Variants in PRKD1 observed in about 807,000 individuals in gnomAD.
PRKD1 encodes the protein protein kinase D1.
PRKD1 carries 63 observed loss-of-function variants against 95.9 expected under a neutral mutation model. That is an observed-to-expected ratio of 0.66 (90% CI 0.54 to 0.81). The LOEUF is 0.81. Ranked by LOEUF, PRKD1 falls within the 30% of genes least tolerant of loss-of-function variation. The pLI is 0.00. For missense variants in PRKD1, 1,048 were observed against 1,165.3 expected (o/e 0.90, Z 1.47); for synonymous variants, 425 against 423.1 (o/e 1.00, Z -0.05).
intron 1 of PRKD1, among the ~76,000 whole-genome samples, chr14:29,781,777 T>C (rs755480308): frequency 6.6e-6 from 1 of 152,198 alleles, no homozygotes; most frequent in Non-Finnish European, 1.5e-5. Flanking sequence ...TAACATACCA[T>C]AGAACACACC....
intron 1 of PRKD1, among the ~76,000 whole-genome samples, chr14:29,791,499 T>C (rs1427564396): frequency 1.3e-5 from 2 of 152,158 alleles, no homozygotes; most frequent in Non-Finnish European, 2.9e-5. Context: ...TACCCGTCAA[T>C]TCCAGACAAC....
chr14:29,670,535 C>CT, intron 2 of PRKD1, among the ~76,000 whole-genome samples: 1 of 152,264 alleles, frequency 6.6e-6, no homozygotes, highest in Middle Eastern at 3.4e-3. Context: ...GTTCTTGACA[C>CT]TTTATCATCT....
At chr14:29,712,833 G>T in intron 2 of PRKD1, among the ~76,000 whole-genome samples, 1 of 152,128 alleles carries the variant, frequency 6.6e-6, no homozygotes, top group East Asian at 1.9e-4. Context: ...AGAGTGCTGG[G>T]CAGATGGTGG....
At chr14:29,713,930 C>G (rs994369770) in intron 2 of PRKD1, among the ~76,000 whole-genome samples, 1 of 152,098 alleles carries the variant, frequency 6.6e-6, no homozygotes. Context: ...AAACTCAGGC[C>G]GGTTACTTCT....
intron 1 of PRKD1, among the ~76,000 whole-genome samples, chr14:29,908,720 A>G (rs1228455793): frequency 6.6e-6 from 1 of 152,234 alleles, no homozygotes; most frequent in African/African-American, 2.4e-5. Flanking sequence ...CTATATACCA[A>G]TTCTAGTTAG....
chr14:29,741,272 AAAAT>A (rs1177874898), intron 1 of PRKD1, among the ~76,000 whole-genome samples: 4 of 152,200 alleles, frequency 2.6e-5, no homozygotes, highest in Admixed American at 6.5e-5. Context: ...TAAAAATTAA[AAAAT>A]AAATAAAGTT....
intron 4 of PRKD1, among the ~76,000 whole-genome samples, chr14:29,653,354 A>G (rs545057411): frequency 6.6e-6 from 1 of 152,178 alleles, no homozygotes; most frequent in African/African-American, 2.4e-5. Context: ...TCCAAGAAAA[A>G]ATAAGTTCTC....
rs566381936 is a variant in PRKD1 at position 29,618,165 on chromosome 14, T to C, written c.1905+5987A>G. On this transcript the variant is annotated intron_variant, in intron 13 of 17. Transcript: ENST00000331968. Reference sequence around the variant, plus strand: ...ATCCTTAATAATCACAAAACATCCTTTTATTTTTATCTTGACATGAATAAC... The same window carrying C: ...ATCCTTAATAATCACAAAACATCCTCTTATTTTTATCTTGACATGAATAAC... Among the ~76,000 whole-genome samples the C allele has an allele frequency of 2.0e-4, 30 of 152,232 alleles. 1 individual carries two copies. Among genetic ancestry groups the C allele is most frequent in the African/African-American group, 6.3e-4 (26 of 41,578 alleles).
chr14:29,815,744 G>A (rs550273596), intron 1 of PRKD1, among the ~76,000 whole-genome samples: 17 of 152,206 alleles, frequency 1.1e-4, no homozygotes, highest in South Asian at 2.1e-4. Flanking sequence ...CTCAAATAGC[G>A]CAATTCCAGC....
chr14:29,681,887 T>C (rs1271244282), intron 2 of PRKD1, among the ~76,000 whole-genome samples: 3 of 152,160 alleles, frequency 2.0e-5, no homozygotes, highest in Non-Finnish European at 4.4e-5. Context: ...AAAATGCTTT[T>C]AAAAGGATTA....
At chr14:29,752,690 T>C (rs904301180) in intron 1 of PRKD1, among the ~76,000 whole-genome samples, 5 of 152,002 alleles carry the variant, frequency 3.3e-5, no homozygotes, top group Admixed American at 2.0e-4. Flanking sequence ...ACCAACTTAA[T>C]ATGATGAGGT....
At position 29,690,066 on chromosome 14, in the gene PRKD1, C is replaced by T. The variant is rs150403661; in HGVS notation, c.404-23858G>A. ...ATCTATACAGCAAATCACCATGGCA[C>T]GTGTTTACCTATGTAACAAACCTGC... On this transcript the variant is annotated intron_variant, in intron 2 of 17. Coordinates refer to ENST00000331968, the MANE Select transcript of PRKD1 (RefSeq NM_002742.3). 2.6e-3 allele frequency among the ~76,000 whole-genome samples: 402 copies of T among 152,252 alleles called. 5 individuals are homozygous for T. Among genetic ancestry groups the T allele is most frequent in the African/African-American group, 9.0e-3 (372 of 41,548 alleles).
chr14:29,917,072 T>C (rs1195776380), intron 1 of PRKD1, among the ~76,000 whole-genome samples: 2 of 152,170 alleles, frequency 1.3e-5, no homozygotes, highest in East Asian at 1.9e-4. Context: ...TCATGTTTAA[T>C]TGATAAAAAG....
At chr14:29,869,840 T>C (rs1893041303) in intron 1 of PRKD1, among the ~76,000 whole-genome samples, 1 of 152,318 alleles carries the variant, frequency 6.6e-6, no homozygotes, top group African/African-American at 2.4e-5. Context: ...GTCCATGTTC[T>C]TCCTCTTTTT....
At chr14:29,581,246 G>A (rs571280134) in intron 16 of PRKD1, among the ~76,000 whole-genome samples, 48 of 151,948 alleles carry the variant, frequency 3.2e-4, no homozygotes, top group Non-Finnish European at 4.9e-4. Flanking sequence ...ATAGTCACTA[G>A]CTCTACTCAA....
chr14:29,609,056 C>G (rs1006847795), intron 13 of PRKD1, among the ~76,000 whole-genome samples: 2 of 152,160 alleles, frequency 1.3e-5, no homozygotes, highest in Non-Finnish European at 2.9e-5. Flanking sequence ...TTGACTGTTA[C>G]ATCAACGAGG....
chr14:29,845,803 A>T (rs139356183), intron 1 of PRKD1, among the ~76,000 whole-genome samples: 369 of 152,286 alleles, frequency 2.4e-3, no homozygotes, highest in African/African-American at 8.2e-3. Flanking sequence ...AACACTTCTG[A>T]ACAACAGACT....
rs749912279 is a variant in PRKD1 at position 29,927,378 on chromosome 14, C to T, written c.135G>A (p.Pro45=). ...GCAGATGGAACGAGATGCCCCCGAC[C>T]GGGGCCGCGACAGGAGCCAAGAACG... ...PAPFLAPVAA[P]VGGISFHLQI... Residue 45 remains proline (P), a synonymous_variant, in exon 1 of 18, where the codon CCG becomes CCA. Transcript: ENST00000331968. 1.5e-5 allele frequency: 24 copies of T among 1,553,094 alleles called. No individual in the cohort carries two copies. The highest frequency in any genetic ancestry group is 1.9e-5 in the Non-Finnish European group (22 of 1,152,358).
At chr14:29,909,155 G>C (rs1594620255) in intron 1 of PRKD1, among the ~76,000 whole-genome samples, 2 of 152,130 alleles carry the variant, frequency 1.3e-5, no homozygotes, top group African/African-American at 2.4e-5. Flanking sequence ...CAGCTGTGGA[G>C]GGTGCGCCAG....
Sources: gnomAD v4.1 joint callset for allele counts (sites outside exome capture counted in the v4.1 genomes callset) on GRCh38, gnomAD v4.1.1 for gene constraint, MANE v1.5 for transcripts, NCBI Gene and HGNC (gene_info 2026-07-23, HGNC 2026-07-21) for gene names.